Variants in RPTOR observed in about 807,000 individuals in gnomAD.
RPTOR encodes regulatory associated protein of MTOR complex 1, also known as regulatory-associated protein of mTOR.
Under a neutral mutation model 169.9 loss-of-function variants are expected in RPTOR, and 21 were observed. That is an observed-to-expected ratio of 0.12 (90% CI 0.09 to 0.18). The LOEUF (loss-of-function observed/expected upper bound fraction) is 0.18, where lower values mean the gene tolerates loss of function less well. Among genes scored for constraint, RPTOR ranks in the 10% least tolerant of loss-of-function variants. RPTOR has a pLI of 1.00. For missense variants in RPTOR, 1,133 were observed against 1,855.9 expected, an observed-to-expected ratio of 0.61 and a Z score of 7.16; for synonymous variants, 732 against 753.2, an observed-to-expected ratio of 0.97 and a Z score of 0.46.
chr17:80,889,116 G>C (rs2068284862), intron 17 of RPTOR, among the ~76,000 whole-genome samples: 1 of 152,258 alleles, frequency 6.6e-6, no homozygotes, highest in Non-Finnish European at 1.5e-5. Context: ...GGACGGCGCA[G>C]GAGGGAAGAG....
chr17:80,549,127 A>G (rs2084314687), intron 1 of RPTOR, among the ~76,000 whole-genome samples: 1 of 152,108 alleles, frequency 6.6e-6, no homozygotes, highest in Admixed American at 6.6e-5. Context: ...GTTTTGAATC[A>G]GTCTTGGTTT....
chr17:80,760,856 C>T (rs1180066856), intron 6 of RPTOR, among the ~76,000 whole-genome samples: 1 of 151,480 alleles, frequency 6.6e-6, no homozygotes, highest in South Asian at 2.1e-4. Flanking sequence ...ACAGCTGCTA[C>T]AGAATGCGGT....
chr17:80,899,390 A>G (rs886791241), intron 20 of RPTOR, among the ~76,000 whole-genome samples: 26 of 152,402 alleles, frequency 1.7e-4, no homozygotes, highest in African/African-American at 5.5e-4. Context: ...TAAATCTACA[A>G]TGAAAAAAGG....
chr17:80,771,985 A>G (rs543052536), intron 6 of RPTOR, among the ~76,000 whole-genome samples: 55 of 152,254 alleles, frequency 3.6e-4, no homozygotes, highest in Non-Finnish European at 3.4e-4. Context: ...ATGCCTGGCT[A>G]ATTTTTCACA....
intron 10 of RPTOR, among the ~76,000 whole-genome samples, chr17:80,839,483 G>A (rs1054173056): frequency 3.3e-5 from 5 of 152,200 alleles, no homozygotes; most frequent in Admixed American, 6.5e-5. Context: ...ACCGTGAGGC[G>A]GAAGCCAGCT....
chr17:80,857,201 C>T (rs2067862042), intron 12 of RPTOR, among the ~76,000 whole-genome samples: 1 of 152,196 alleles, frequency 6.6e-6, no homozygotes, highest in Admixed American at 6.5e-5. Flanking sequence ...AGAGAGTCCC[C>T]TGAGAATGAC....
In RPTOR at chr17:80,730,758, T is replaced by TTTTTCGGG; in HGVS notation, c.654+52_654+53insTTTTCGGG. The TTTTTCGGG allele has an allele frequency of 2.1e-6, 1 of 467,256 alleles. No individual in the cohort carries two copies. Among genetic ancestry groups the TTTTTCGGG allele is most frequent in the Non-Finnish European group, 3.9e-6 (1 of 254,704 alleles). The allele number at this position is 467,256 out of a possible 1,614,324, so 28.9% of individuals were successfully genotyped here. Reference sequence around the variant, plus strand: ...GTGCTGGGTTTGGTTTTGTTTTCCCTGGGGGTGGGGTTTGGGTGGGGAGGT... The same window carrying TTTTTCGGG: ...GTGCTGGGTTTGGTTTTGTTTTCCCTTTTTCGGGGGGGGTGGGGTTTGGGTGGGGAGGT... On this transcript the variant is annotated intron_variant, in intron 5 of 33. Coordinates refer to ENST00000306801, the MANE Select transcript of RPTOR (RefSeq NM_020761.3). The surrounding 1 kb of genome is among the most constrained non-coding windows in gnomAD (Gnocchi z 4.2).
chr17:80,676,165 G>A (rs576095916), intron 3 of RPTOR, among the ~76,000 whole-genome samples: 2 of 152,348 alleles, frequency 1.3e-5, no homozygotes, highest in South Asian at 4.1e-4. Flanking sequence ...TGCTTAGTGT[G>A]AGGCTAAGGA....
chr17:80,675,896 A>T (rs1035686088), intron 3 of RPTOR, among the ~76,000 whole-genome samples: 1 of 152,196 alleles, frequency 6.6e-6, no homozygotes, highest in African/African-American at 2.4e-5. Context: ...ATTACCGCAG[A>T]TGTGATTTCC....
At chr17:80,627,362 T>C (rs2065404103) in intron 2 of RPTOR, among the ~76,000 whole-genome samples, 1 of 145,392 alleles carries the variant, frequency 6.9e-6, no homozygotes, top group African/African-American at 2.4e-5. Flanking sequence ...TTTTTAGCTG[T>C]ACATTTCTTT....
chr17:80,949,649 T>C (rs2069148821), intron 28 of RPTOR, 102 bp downstream of exon 28: 1 of 934,196 alleles, frequency 1.1e-6, no homozygotes, highest in African/African-American at 1.6e-5. Context: ...AACAGGCTGC[T>C]CCACCTCAGA....
At position 80,721,500 on chromosome 17, in the gene RPTOR, C is replaced by A. The variant is rs144914237; in HGVS notation, c.508-9060C>A. 2.6e-5 allele frequency among the ~76,000 whole-genome samples: 4 copies of A among 151,530 alleles called. No individual in the cohort carries two copies. In the East Asian group the frequency reaches 7.7e-4, roughly 29 times the overall value. On this transcript the variant is annotated intron_variant, in intron 4 of 33. Transcript: ENST00000306801. The surrounding 1 kb of genome is among the most constrained non-coding windows in gnomAD (Gnocchi z 4.7). Reference sequence around the variant, plus strand: ...GTGCATCTGGCCCTGGAAAGAGGCACACCCAGCAGCGGGCTCTCCTGGCTC... The same window carrying A: ...GTGCATCTGGCCCTGGAAAGAGGCAAACCCAGCAGCGGGCTCTCCTGGCTC...
chr17:80,916,817 GTC>G (rs2068679112), intron 21 of RPTOR, among the ~76,000 whole-genome samples: 1 of 152,078 alleles, frequency 6.6e-6, no homozygotes, highest in Admixed American at 6.6e-5. Flanking sequence ...CTGGCTAAGA[GTC>G]TCTACTAAAA....
chr17:80,736,828 A>G (rs1481410382), intron 5 of RPTOR, among the ~76,000 whole-genome samples: 1 of 152,160 alleles, frequency 6.6e-6, no homozygotes, highest in Non-Finnish European at 1.5e-5. Flanking sequence ...TGTGTGTGTG[A>G]GTTTGCAAAT....
chr17:80,882,921 G>A lies in RPTOR; in HGVS notation c.1585-498G>A, dbSNP rs141407153. On this transcript the variant is annotated intron_variant, in intron 14 of 33. Coordinates refer to ENST00000306801, the MANE Select transcript of RPTOR (RefSeq NM_020761.3). ...AGGCACCGCTAAAAAGTTACAAATA[G>A]ACTCTGGTTTCCAGGTCAGCGGAGG... Among the ~76,000 whole-genome samples, 27 of 152,336 alleles carry A rather than the reference G, an allele frequency of 1.8e-4. No individual in the cohort carries two copies. The East Asian group carries it at 4.4e-3, about 25-fold the overall frequency.
intron 3 of RPTOR, among the ~76,000 whole-genome samples, chr17:80,691,837 TCTTACA>T (rs999458933): frequency 2.0e-5 from 3 of 152,128 alleles, no homozygotes; most frequent in African/African-American, 7.2e-5. Flanking sequence ...ACGAAGGCGC[TCTTACA>T]CATCCAGGTT....
At chr17:80,874,326 A>G (rs1278293407) in intron 13 of RPTOR, among the ~76,000 whole-genome samples, 1 of 151,660 alleles carries the variant, frequency 6.6e-6, no homozygotes, top group Non-Finnish European at 1.5e-5. Context: ...CCTCCCAAGT[A>G]ACTGGGACCA....
intron 6 of RPTOR, among the ~76,000 whole-genome samples, chr17:80,790,599 T>C (rs1427650950): frequency 6.6e-6 from 1 of 152,158 alleles, no homozygotes; most frequent in Non-Finnish European, 1.5e-5. Context: ...GCCTGACCCT[T>C]GCACTGCACC....
In RPTOR at chr17:80,957,651, A is replaced by G; in HGVS notation, c.3398A>G (p.Gln1133Arg). ...RGAGMVVDWE[Q>R]ETGLLMSSGD... ...GCTGGGATGGTGGTGGACTGGGAGCAGGAGACCGGCCTCCTCATGAGCTCA... is the reference window on the plus strand; with the variant it reads ...GCTGGGATGGTGGTGGACTGGGAGCGGGAGACCGGCCTCCTCATGAGCTCA... The change falls in exon 29 of 34, where the codon CAG becomes CGG. Residue 1133 changes from glutamine to arginine, a missense_variant. Gln to Arg is a conservative substitution (Grantham distance 43). Transcript: ENST00000306801. The surrounding 1 kb of genome is among the most constrained non-coding windows in gnomAD (Gnocchi z 4.6). The G allele has an allele frequency of 6.2e-7, 1 of 1,614,166 alleles. No homozygotes were observed. The highest frequency in any genetic ancestry group is 8.5e-7 in the Non-Finnish European group (1 of 1,180,024).
Sources: gnomAD v4.1 joint callset for allele counts (sites outside exome capture counted in the v4.1 genomes callset) on GRCh38, gnomAD v4.1.1 for gene constraint, Gnocchi (gnomAD v3.1) non-coding constraint, MANE v1.5 for transcripts, NCBI Gene and HGNC (gene_info 2026-07-23, HGNC 2026-07-21) for gene names.